Variants in ANKAR observed in about 807,000 individuals in gnomAD.
The protein encoded by ANKAR is ankyrin and armadillo repeat containing.
ANKAR carries 136 observed loss-of-function variants against 146.2 expected under a neutral mutation model. The ratio of observed to expected loss-of-function variants is 0.93; its 90% CI spans 0.81 to 1.07. The LOEUF (loss-of-function observed/expected upper bound fraction) is 1.07, where lower values mean the gene tolerates loss of function less well. Ranked by LOEUF, ANKAR falls within the 50% of genes least tolerant of loss-of-function variation. The probability of loss-of-function intolerance (pLI) is 0.00; values close to 1 mark genes in which losing one functional copy is unlikely to be tolerated. For missense variants in ANKAR, 1,567 were observed against 1,679.9 expected, an observed-to-expected ratio of 0.93 and a Z score of 1.18; for synonymous variants, 500 against 575.8, an observed-to-expected ratio of 0.87 and a Z score of 1.88.
intron 10 of ANKAR, among the ~76,000 whole-genome samples, chr2:189,711,759 C>G (rs1002979395): frequency 6.6e-6 from 1 of 152,210 alleles, no homozygotes; most frequent in East Asian, 1.9e-4. Flanking sequence ...ACAGTGGGTA[C>G]AGCCCATGGG....
intron 15 of ANKAR, among the ~76,000 whole-genome samples, chr2:189,729,249 A>C (rs1454545680): frequency 2.0e-5 from 3 of 152,198 alleles, no homozygotes; most frequent in Non-Finnish European, 4.4e-5. Flanking sequence ...TTGCAAAGGA[A>C]TTGACATTTT....
downstream of ANKAR, among the ~76,000 whole-genome samples, chr2:189,748,181 G>A (rs1216946477): frequency 6.6e-6 from 1 of 152,222 alleles, no homozygotes; most frequent in Non-Finnish European, 1.5e-5. Flanking sequence ...GTGGGTGAGT[G>A]AGTGGGTGAA....
chr2:189,685,690 C>T (rs1487169382), intron 2 of ANKAR, among the ~76,000 whole-genome samples: 1 of 152,128 alleles, frequency 6.6e-6, no homozygotes, highest in Non-Finnish European at 1.5e-5. Flanking sequence ...GCCTGTCCCC[C>T]AGATGTTGTA....
chr2:189,676,071 A>C (rs1327589683), intron 1 of ANKAR: 1 of 167,354 alleles, frequency 6.0e-6, no homozygotes, highest in African/African-American at 2.4e-5. Context: ...TTTATAAATT[A>C]TGCAGTCTCA....
At chr2:189,728,850 A>G in intron 15 of ANKAR, 29 bp downstream of exon 15, 6 of 1,592,642 alleles carry the variant, frequency 3.8e-6, no homozygotes, top group East Asian at 2.2e-5. Context: ...AATTTCTTAA[A>G]TATCTGTAAG....
At chr2:189,686,761 A>G (rs1176937484) in intron 2 of ANKAR, among the ~76,000 whole-genome samples, 1 of 152,156 alleles carries the variant, frequency 6.6e-6, no homozygotes, top group Non-Finnish European at 1.5e-5. Context: ...ATCTTACACA[A>G]TTTTATTGGC....
At position 189,676,755 on chromosome 2, in the gene ANKAR, G is replaced by A. The variant is rs1386647771; in HGVS notation, c.265G>A (p.Val89Met). Residue 89 changes from valine (V) to methionine (M), a missense_variant, in exon 2 of 23, where the codon GTG (valine) becomes ATG (methionine). Coordinates refer to ENST00000684021, the MANE Select transcript of ANKAR (RefSeq NM_001378068.1). ...CTCCACTGCAATCCTACTGACTCCC[G>A]TGGACCCTACTGCCCTCTTAGACTA... ...GFSTAILLTP[V>M]DPTALLDYRE... is the part of the protein sequence containing the mutation. 8.1e-6 allele frequency: 13 copies of A among 1,613,950 alleles called. No homozygotes were observed. The highest frequency in any genetic ancestry group is 6.7e-5 in the East Asian group (3 of 44,902).
intron 12 of ANKAR, 79 bp downstream of exon 12, chr2:189,720,866 A>G: frequency 2.6e-6 from 3 of 1,138,136 alleles, no homozygotes; most frequent in Non-Finnish European, 3.5e-6. Context: ...CTTGTCCTAT[A>G]TGAATAGATG....
chr2:189,736,393 T>C (rs1219700001), intron 17 of ANKAR, among the ~76,000 whole-genome samples: 1 of 152,070 alleles, frequency 6.6e-6, no homozygotes, highest in Non-Finnish European at 1.5e-5. Flanking sequence ...GGCTCTAGGT[T>C]CTATTTTGCT....
At chr2:189,729,087 T>C (rs573609497) in intron 15 of ANKAR, among the ~76,000 whole-genome samples, 14 of 152,244 alleles carry the variant, frequency 9.2e-5, no homozygotes, top group Non-Finnish European at 1.5e-4. Flanking sequence ...CTATTTTGAC[T>C]GAAAGCAATC....
intron 3 of ANKAR, among the ~76,000 whole-genome samples, chr2:189,691,172 C>T (rs533464263): frequency 2.1e-4 from 32 of 152,272 alleles, no homozygotes; most frequent in Admixed American, 2.0e-3. Context: ...TCTCCTGTCT[C>T]AGCCTCCCAA....
chr2:189,754,389 G>A (rs41270233), intron 18 of ANKAR: 1 of 1,494,226 alleles, frequency 6.7e-7, no homozygotes, highest in Non-Finnish European at 9.0e-7. Context: ...ATTAAATACT[G>A]TGAAACGAAA....
intron 7 of ANKAR, among the ~76,000 whole-genome samples, chr2:189,702,754 T>G (rs1559086044): frequency 6.6e-6 from 1 of 152,184 alleles, no homozygotes; most frequent in Non-Finnish European, 1.5e-5. Flanking sequence ...AAGCTCCCAC[T>G]ATGAAGGCAG....
intron 5 of ANKAR, among the ~76,000 whole-genome samples, chr2:189,693,951 G>A (rs985667247): frequency 4.6e-5 from 7 of 152,106 alleles, no homozygotes; most frequent in African/African-American, 7.2e-5. Flanking sequence ...GTTTTGCCAT[G>A]TTGGTCAGGC....
downstream of ANKAR, among the ~76,000 whole-genome samples, chr2:189,751,610 A>T (rs1040148702): frequency 6.6e-6 from 1 of 150,922 alleles, no homozygotes; most frequent in East Asian, 2.0e-4. Flanking sequence ...ACGCCTGGCT[A>T]ATTTTTGTAT....
At chr2:189,691,255 T>C (rs1271180704) in intron 3 of ANKAR, among the ~76,000 whole-genome samples, 1 of 152,146 alleles carries the variant, frequency 6.6e-6, no homozygotes, top group Non-Finnish European at 1.5e-5. Flanking sequence ...AAGGTTTCAC[T>C]ATGTTGGCCA....
At chr2:189,712,670 CAG>C (rs1245426651) in intron 10 of ANKAR, among the ~76,000 whole-genome samples, 1 of 152,168 alleles carries the variant, frequency 6.6e-6, no homozygotes, top group Non-Finnish European at 1.5e-5. Flanking sequence ...GGGGAGAAAC[CAG>C]AGCAGAAAAG....
chr2:189,728,556 G>A, intron 14 of ANKAR, 104 bp from the exon 15 acceptor site: 1 of 1,487,636 alleles, frequency 6.7e-7, no homozygotes. Flanking sequence ...TCTTGCCTCA[G>A]CCTCCCAAGT....
At chr2:189,687,833 T>C (rs1321515802) in intron 2 of ANKAR, among the ~76,000 whole-genome samples, 1 of 152,254 alleles carries the variant, frequency 6.6e-6, no homozygotes, top group East Asian at 1.9e-4. Flanking sequence ...TAGAATTGTT[T>C]GACCTCCTTA....
Sources: allele counts gnomAD v4.1 joint callset (sites outside exome capture counted in the v4.1 genomes callset), GRCh38; gene constraint gnomAD v4.1.1; transcripts MANE v1.5; gene names NCBI Gene and HGNC (gene_info 2026-07-23, HGNC 2026-07-21).